Variants in GRID2 observed in about 807,000 individuals in gnomAD.
The protein encoded by GRID2 is glutamate receptor ionotropic, delta-2.
Under a neutral mutation model 114.8 loss-of-function variants are expected in GRID2, and 33 were observed. The observed-to-expected ratio is 0.29, with a 90% CI of 0.22 to 0.38. The LOEUF is 0.38. Among genes scored for constraint, GRID2 ranks in the 10% least tolerant of loss-of-function variants. The pLI is 1.00. For synonymous variants in GRID2, 505 were observed against 449.9 expected (o/e 1.12, Z -1.55); for missense variants, 1,184 against 1,257.7 (o/e 0.94, Z 0.89).
rs535057293 is a variant in GRID2 at position 92,953,063 on chromosome 4, C to A, written c.245-131932C>A. ...TAAGGCATTCTCCCTGTGTGTGTGT[C>A]CACATTTCCCTCTTCTTAGTACACC... is the stretch of plus-strand genomic sequence containing the variant. On this transcript the variant is annotated intron_variant, in intron 2 of 15. Coordinates refer to ENST00000282020, the MANE Select transcript of GRID2 (RefSeq NM_001510.4). Among the ~76,000 whole-genome samples, 5 of 152,240 alleles carry A rather than the reference C, an allele frequency of 3.3e-5. No individual in the cohort carries two copies. The East Asian group carries it at 7.7e-4, about 24-fold the overall frequency.
At chr4:93,326,449 A>G (rs144414165) in intron 8 of GRID2, among the ~76,000 whole-genome samples, 2 of 152,300 alleles carry the variant, frequency 1.3e-5, no homozygotes, top group Non-Finnish European at 2.9e-5. Context: ...TACCTGGTAT[A>G]AATTGACACA....
intron 1 of GRID2, among the ~76,000 whole-genome samples, chr4:92,315,924 C>A (rs528252090): frequency 6.8e-6 from 1 of 146,190 alleles, no homozygotes; most frequent in Non-Finnish European, 1.5e-5. Context: ...GAGCTGAGAT[C>A]GCACCATTGC....
chr4:93,804,303 G>T (rs940229318), intron 1 of GRID2, among the ~76,000 whole-genome samples: 2 of 152,146 alleles, frequency 1.3e-5, no homozygotes, highest in South Asian at 4.1e-4. Flanking sequence ...GAGTCATTAG[G>T]TGATTTTTGT....
intron 7 of GRID2, among the ~76,000 whole-genome samples, chr4:93,231,538 T>G (rs964840588): frequency 2.0e-5 from 3 of 152,114 alleles, no homozygotes; most frequent in Non-Finnish European, 4.4e-5. Context: ...TGTAATGTGC[T>G]GTGGTACATA....
At chr4:93,619,917 G>C (rs1448259896) in intron 13 of GRID2, among the ~76,000 whole-genome samples, 1 of 152,152 alleles carries the variant, frequency 6.6e-6, no homozygotes, top group Admixed American at 6.5e-5. Context: ...ACAGGCAAAG[G>C]CTATTCTATG....
chr4:93,530,768 T>G (rs1231227401), intron 13 of GRID2, among the ~76,000 whole-genome samples: 1 of 152,180 alleles, frequency 6.6e-6, no homozygotes, highest in African/African-American at 2.4e-5. Context: ...AGCATTGAGC[T>G]TGATTCTTAA....
intron 2 of GRID2, among the ~76,000 whole-genome samples, chr4:92,928,894 C>T (rs1255072831): frequency 6.6e-6 from 1 of 151,348 alleles, no homozygotes; most frequent in Non-Finnish European, 1.5e-5. Flanking sequence ...TCTTTGGCAA[C>T]ATATAGCAGT....
intron 8 of GRID2, among the ~76,000 whole-genome samples, chr4:93,343,142 CTGTGTGTGTGTGTGTG>C (rs150132437): frequency 6.0e-4 from 24 of 40,118 alleles, no homozygotes; most frequent in Admixed American, 1.6e-3. Context: ...TGTGAGGTGA[CTGTGTGTGTGTGTGTG>C]TGTGTGTGTG....
intron 2 of GRID2, among the ~76,000 whole-genome samples, chr4:93,058,425 A>T (rs1323174180): frequency 6.6e-6 from 1 of 151,950 alleles, no homozygotes; most frequent in East Asian, 1.9e-4. Flanking sequence ...CTACTCATTC[A>T]CTTTAGAATT....
intron 1 of GRID2, among the ~76,000 whole-genome samples, chr4:93,792,604 C>A (rs184651696): frequency 2.6e-5 from 4 of 152,102 alleles, no homozygotes; most frequent in African/African-American, 9.7e-5. Context: ...CCCTACCACA[C>A]CCCTTTCACC....
At chr4:93,320,417 A>G (rs1757092549) in intron 8 of GRID2, among the ~76,000 whole-genome samples, 1 of 152,140 alleles carries the variant, frequency 6.6e-6, no homozygotes, top group Admixed American at 6.6e-5. Flanking sequence ...ACCCATGAGG[A>G]CATTTTAGAA....
At chr4:92,968,032 C>T (rs1371592788) in intron 2 of GRID2, among the ~76,000 whole-genome samples, 1 of 151,822 alleles carries the variant, frequency 6.6e-6, no homozygotes, top group African/African-American at 2.4e-5. Flanking sequence ...CACCATTAGG[C>T]CTGATGTCTA....
intron 2 of GRID2, among the ~76,000 whole-genome samples, chr4:92,674,544 A>G (rs1211548581): frequency 6.6e-6 from 1 of 152,054 alleles, no homozygotes; most frequent in Non-Finnish European, 1.5e-5. Context: ...TTTATTTTAG[A>G]TGGAGTCTTG....
intron 2 of GRID2, among the ~76,000 whole-genome samples, chr4:92,660,102 A>C (rs1030483004): frequency 1.3e-5 from 2 of 151,408 alleles, no homozygotes; most frequent in African/African-American, 4.8e-5. Context: ...TCATACTGAA[A>C]ATTCTAAGAT....
At chr4:93,504,608 C>T (rs906101229) in intron 12 of GRID2, among the ~76,000 whole-genome samples, 3 of 151,882 alleles carry the variant, frequency 2.0e-5, no homozygotes, top group South Asian at 2.1e-4. Context: ...AAACTGTATG[C>T]GTATATTTGT....
intron 2 of GRID2, among the ~76,000 whole-genome samples, chr4:92,661,730 A>T (rs1488602576): frequency 2.0e-5 from 3 of 151,010 alleles, no homozygotes; most frequent in Non-Finnish European, 4.5e-5. Flanking sequence ...TGTCTTAATG[A>T]TGATGTATAT....
intron 3 of GRID2, among the ~76,000 whole-genome samples, chr4:93,101,231 G>A (rs1292476040): frequency 6.6e-6 from 1 of 152,034 alleles, no homozygotes; most frequent in African/African-American, 2.4e-5. Flanking sequence ...CAGGGTAGTT[G>A]AGATATCCAT....
At chr4:93,015,765 A>C (rs1722628607) in intron 2 of GRID2, among the ~76,000 whole-genome samples, 1 of 152,148 alleles carries the variant, frequency 6.6e-6, no homozygotes, top group South Asian at 2.1e-4. Context: ...CTTTCAAAAC[A>C]GGGAGTTTGG....
At chr4:93,461,887 AT>A (rs1723777498) in intron 11 of GRID2, among the ~76,000 whole-genome samples, 1 of 152,136 alleles carries the variant, frequency 6.6e-6, no homozygotes, top group Non-Finnish European at 1.5e-5. Context: ...GAAGTCTCTT[AT>A]GTTTAGTTTA....
Sources: allele counts gnomAD v4.1 joint callset (sites outside exome capture counted in the v4.1 genomes callset), GRCh38; gene constraint gnomAD v4.1.1; transcripts MANE v1.5; gene names NCBI Gene and HGNC (gene_info 2026-07-23, HGNC 2026-07-21).